Variants in EOGT observed in about 807,000 individuals in gnomAD.
EOGT encodes EGF domain-specific O-linked N-acetylglucosamine transferase.
EOGT carries 55 observed loss-of-function variants against 70.5 expected under a neutral mutation model. That is an observed-to-expected ratio of 0.78 (90% confidence interval 0.63 to 0.98). EOGT has a LOEUF of 0.98. Among genes scored for constraint, EOGT ranks in the 50% least tolerant of loss-of-function variants. The pLI is 0.00. For synonymous variants in EOGT, 246 were observed against 217.1 expected (o/e 1.13, Z -1.17); for missense variants, 703 against 641.9 (o/e 1.10, Z -1.03).
At chr3:68,993,654 CCA>C (rs2107270871) in intron 10 of EOGT, among the ~76,000 whole-genome samples, 1 of 152,286 alleles carries the variant, frequency 6.6e-6, no homozygotes, top group Non-Finnish European at 1.5e-5. Context: ...CAGCAACACC[CCA>C]CTCTACTGGT....
chr3:69,005,060 T>A (rs1213604586), intron 7 of EOGT, 80 bp downstream of exon 7: 13 of 713,092 alleles, frequency 1.8e-5, no homozygotes, highest in Non-Finnish European at 4.3e-6. Context: ...AGACCCTGTC[T>A]CAAAAAAAAA....
At position 68,975,650 on chromosome 3, in the gene EOGT, A is replaced by G. The variant is rs1174250036; in HGVS notation, c.*1968T>C. 1 of 152,470 alleles carries G rather than the reference A, an allele frequency of 6.6e-6. No individual in the cohort carries two copies. Among genetic ancestry groups the G allele is most frequent in the Non-Finnish European group, 1.5e-5 (1 of 68,038 alleles). 9.4% of individuals were successfully genotyped at this position (152,470 alleles called of 1,614,324 possible). A position where few individuals can be genotyped will look rare whatever the true frequency, so the allele number is the denominator to read the frequency against. On this transcript the variant is annotated 3_prime_UTR_variant, in exon 18 of 18. Coordinates refer to ENST00000383701, the MANE Select transcript of EOGT (RefSeq NM_001278689.2). ...CCAGTGGTTACTCAGTATTTTGCAC[A>G]CAAAAAACAGTTACAATACCTGCCA...
rs1377174476 is a variant in EOGT at position 68,975,989 on chromosome 3, G to A, written c.*1629C>T. 6.6e-6 allele frequency: 1 copy of A among 152,130 alleles called. No homozygotes were observed. Among genetic ancestry groups the A allele is most frequent in the Non-Finnish European group, 1.5e-5 (1 of 68,016 alleles). The allele number at this position is 152,130 out of a possible 1,614,324, so 9.4% of individuals were successfully genotyped here. On this transcript the variant is annotated 3_prime_UTR_variant, in exon 18 of 18. Transcript: ENST00000383701. Reference sequence around the variant, plus strand: ...ATAGAAGTAACTAGTCTCTAAATCAGACTACTCAAGTGTTAATAAAATGTA... The same window carrying A: ...ATAGAAGTAACTAGTCTCTAAATCAAACTACTCAAGTGTTAATAAAATGTA...
chr3:69,006,134 T>A (rs2091434525), intron 6 of EOGT, among the ~76,000 whole-genome samples: 1 of 152,138 alleles, frequency 6.6e-6, no homozygotes, highest in African/African-American at 2.4e-5. Flanking sequence ...TCAAGGTAAA[T>A]CTTAATCAAA....
chr3:68,998,616 G>A (rs992119291), intron 9 of EOGT, among the ~76,000 whole-genome samples: 13 of 152,220 alleles, frequency 8.5e-5, no homozygotes, highest in African/African-American at 3.1e-4. Flanking sequence ...CACTTTGGGA[G>A]GCTGAGGCAG....
At chr3:68,987,777 T>C (rs772839750) in intron 13 of EOGT, 2 of 511,920 alleles carry the variant, frequency 3.9e-6, no homozygotes, top group Non-Finnish European at 3.4e-6. Flanking sequence ...GTATGTTACA[T>C]GAACATTTGG....
chr3:68,985,067 G>A (rs1433786135), intron 14 of EOGT, among the ~76,000 whole-genome samples: 1 of 152,078 alleles, frequency 6.6e-6, no homozygotes, highest in Non-Finnish European at 1.5e-5. Context: ...TACCTCATGG[G>A]TTTGCTGGGA....
At chr3:68,979,413 A>T (rs2090567437) in intron 16 of EOGT, among the ~76,000 whole-genome samples, 7 of 152,218 alleles carry the variant, frequency 4.6e-5, no homozygotes, top group Admixed American at 4.6e-4. Context: ...GAATAAGGAA[A>T]CCACAGATTC....
intron 1 of EOGT, 67 bp from the exon 2 acceptor site, chr3:69,012,866 C>CAA (rs1200421242): frequency 6.6e-6 from 1 of 151,676 alleles, no homozygotes; most frequent in Non-Finnish European, 1.5e-5. Context: ...CTGGGGTTGA[C>CAA]ACAGCGGGCG....
chr3:68,998,899 A>G (rs1329275077), intron 9 of EOGT, among the ~76,000 whole-genome samples: 2 of 151,352 alleles, frequency 1.3e-5, no homozygotes, highest in African/African-American at 4.9e-5. Context: ...TCAGGGAAGT[A>G]CTGGCAATGA....
intron 14 of EOGT, among the ~76,000 whole-genome samples, chr3:68,983,172 T>C (rs1363168207): frequency 6.6e-6 from 1 of 152,212 alleles, no homozygotes; most frequent in African/African-American, 2.4e-5. Flanking sequence ...AGTAAAGTGC[T>C]AGGCACAGAA....
At position 68,993,769 on chromosome 3, in the gene EOGT, G is replaced by A. The variant is rs560493106; in HGVS notation, c.831+4242C>T. Among the ~76,000 whole-genome samples, 54 of 152,256 alleles carry A rather than the reference G, an allele frequency of 3.5e-4. No homozygotes were observed. The South Asian group carries it at 5.0e-3, about 14-fold the overall frequency. On this transcript the variant is annotated intron_variant, in intron 10 of 17. Coordinates refer to ENST00000383701, the MANE Select transcript of EOGT (RefSeq NM_001278689.2). ...TGGACTTACAGTTCCACATGGCTGGGGAGGCCTCAGAATCATAGTGGGAGG... is the reference window on the plus strand; with the variant it reads ...TGGACTTACAGTTCCACATGGCTGGAGAGGCCTCAGAATCATAGTGGGAGG...
At chr3:69,008,168 A>G (rs1404360812) in intron 5 of EOGT, among the ~76,000 whole-genome samples, 1 of 152,222 alleles carries the variant, frequency 6.6e-6, no homozygotes. Context: ...TCAAGAAGAA[A>G]CCATCCATTT....
chr3:68,993,729 A>G (rs576743663), intron 10 of EOGT, among the ~76,000 whole-genome samples: 2 of 152,288 alleles, frequency 1.3e-5, no homozygotes, highest in African/African-American at 4.8e-5. Context: ...GACTGGGAAG[A>G]AAAAGAGGTT....
chr3:69,005,285 G>T, intron 6 of EOGT, 51 bp from the exon 7 acceptor site: 1 of 976,662 alleles, frequency 1.0e-6, no homozygotes, highest in Non-Finnish European at 1.6e-6. Flanking sequence ...ACACAGCAAA[G>T]ACTCATCCGG....
chr3:69,002,844 C>A (rs1037739811), intron 8 of EOGT, among the ~76,000 whole-genome samples: 11 of 151,758 alleles, frequency 7.2e-5, no homozygotes, highest in African/African-American at 1.7e-4. Context: ...TTTTATTTTT[C>A]TTTTTTAGAG....
chr3:69,007,871 A>C, intron 5 of EOGT, 50 bp from the exon 6 acceptor site: 1 of 1,339,092 alleles, frequency 7.5e-7, no homozygotes, highest in Non-Finnish European at 1.0e-6. Flanking sequence ...ACTTTTTTGG[A>C]CCTTGAATTT....
At chr3:68,987,008 G>C (rs892818747) in intron 14 of EOGT, among the ~76,000 whole-genome samples, 1 of 152,224 alleles carries the variant, frequency 6.6e-6, no homozygotes, top group East Asian at 1.9e-4. Context: ...AAATGAGTAA[G>C]GATGCTGAAA....
At chr3:68,992,036 G>A (rs9869133) in intron 10 of EOGT, among the ~76,000 whole-genome samples, 57,414 of 151,984 alleles carry the variant, frequency 0.38, 11,737 homozygotes, top group East Asian at 0.55. Context: ...CCCATAAGAT[G>A]TGGGAATTCT....
Sources: allele counts gnomAD v4.1 joint callset (sites outside exome capture counted in the v4.1 genomes callset), GRCh38; gene constraint gnomAD v4.1.1; transcripts MANE v1.5; gene names NCBI Gene and HGNC (gene_info 2026-07-23, HGNC 2026-07-21).